Variants in DTNA observed in about 807,000 individuals in gnomAD.
DTNA encodes the protein dystrobrevin alpha.
A neutral mutation model predicts 100.7 loss-of-function variants in DTNA; 43 were observed. That is an observed-to-expected ratio of 0.43 (90% CI 0.33 to 0.55). The LOEUF (loss-of-function observed/expected upper bound fraction) is 0.55, where lower values mean the gene tolerates loss of function less well. DTNA is among the 20% of genes least tolerant of loss of function. The pLI is 0.04. For missense variants in DTNA, 798 were observed against 953.9 expected (o/e 0.84, Z 2.15); for synonymous variants, 349 against 347.9 (o/e 1.00, Z -0.04).
At chr18:34,765,566 C>T (rs2148471730) in intron 2 of DTNA, among the ~76,000 whole-genome samples, 1 of 152,346 alleles carries the variant, frequency 6.6e-6, no homozygotes, top group African/African-American at 2.4e-5. Context: ...GGTCACCTAA[C>T]AGCCACATTC....
Position 34,838,774 on chromosome 18 carries a change from G to A in DTNA, c.1283G>A (p.Arg428Lys). 2 of 1,613,786 alleles carry A rather than the reference G, an allele frequency of 1.2e-6. No homozygotes were observed. The highest frequency in any genetic ancestry group is 8.5e-7 in the Non-Finnish European group (1 of 1,179,806). Residue 428 changes from arginine (R) to lysine (K), a missense_variant, in exon 13 of 23, where the codon AGG (arginine) becomes AAG (lysine). By Grantham distance (26) the Arg-to-Lys change is conservative. Coordinates refer to ENST00000444659, the MANE Select transcript of DTNA (RefSeq NM_001386795.1). ...CAGTACAGCCTGAATGTGGCAGACA[G>A]GCTAGCTGATGAACATGTTCTCATC... ...GIQYSLNVAD[R>K]LADEHVLIGL... is the part of the protein sequence containing the mutation.
chr18:34,796,378 A>C (rs1236211280), intron 4 of DTNA, among the ~76,000 whole-genome samples: 2 of 152,264 alleles, frequency 1.3e-5, no homozygotes, highest in Non-Finnish European at 2.9e-5. Context: ...TCTATTTCTT[A>C]TAATAGTAAA....
chr18:34,546,191 T>C (rs2044757353), intron 1 of DTNA, among the ~76,000 whole-genome samples: 2 of 152,028 alleles, frequency 1.3e-5, no homozygotes, highest in Admixed American at 1.3e-4. Flanking sequence ...ATAAAAAACA[T>C]GGGTCTCCCC....
intron 1 of DTNA, among the ~76,000 whole-genome samples, chr18:34,541,505 T>TTCCCCAACAAGC (rs2044243687): frequency 6.6e-6 from 1 of 151,558 alleles, no homozygotes; most frequent in Admixed American, 6.6e-5. Context: ...TAAAGGGGAG[T>TTCCCCAACAAGC]TCCCCAACAA....
intron 15 of DTNA, among the ~76,000 whole-genome samples, chr18:34,855,638 A>T (rs1017402773): frequency 5.9e-5 from 9 of 152,178 alleles, no homozygotes; most frequent in African/African-American, 1.9e-4. Context: ...AAGAGAAGGG[A>T]TAAAACATCA....
rs180844423 is a variant in DTNA at position 34,547,923 on chromosome 18, C to A, written c.-2+54409C>A. On this transcript the variant is annotated intron_variant, in intron 1 of 19. Transcript: ENST00000283365. ...TCACAGCAACCAACTAAGTGTTAAC[C>A]CAGCCAGAATCTTTCTTGGATGCTT... Among the ~76,000 whole-genome samples, 603 of 152,170 alleles carry A rather than the reference C, an allele frequency of 4.0e-3. 7 individuals carry two copies. Among genetic ancestry groups the A allele is most frequent in the Admixed American group, 0.026 (394 of 15,276 alleles).
chr18:34,736,107 C>T (rs746544312), intron 1 of DTNA, among the ~76,000 whole-genome samples: 1 of 152,180 alleles, frequency 6.6e-6, no homozygotes. Context: ...ATGCCCTCCA[C>T]GTGAAGAGCT....
At chr18:34,699,337 G>A (rs2081052288) in intron 1 of DTNA, among the ~76,000 whole-genome samples, 1 of 152,048 alleles carries the variant, frequency 6.6e-6, no homozygotes, top group South Asian at 2.1e-4. Context: ...CCAGCTCAAA[G>A]ACCATAATGC....
At chr18:34,721,028 T>C (rs569642256) in intron 1 of DTNA, among the ~76,000 whole-genome samples, 1 of 152,340 alleles carries the variant, frequency 6.6e-6, no homozygotes, top group Admixed American at 6.5e-5. Flanking sequence ...TTGCAAAATA[T>C]TCAATTATGT....
chr18:34,699,213 A>T (rs1011562349), intron 1 of DTNA, among the ~76,000 whole-genome samples: 7 of 152,002 alleles, frequency 4.6e-5, no homozygotes, highest in African/African-American at 1.7e-4. Flanking sequence ...GAATGGGTTC[A>T]TGTGATTATG....
chr18:34,506,182 G>A (rs567942061), intron 1 of DTNA, among the ~76,000 whole-genome samples: 9 of 152,186 alleles, frequency 5.9e-5, no homozygotes, highest in Non-Finnish European at 1.2e-4. Flanking sequence ...GACAGAAGAG[G>A]GGGCCTAATG....
intron 10 of DTNA, among the ~76,000 whole-genome samples, chr18:34,828,505 C>G (rs1472197853): frequency 6.6e-6 from 1 of 152,176 alleles, no homozygotes; most frequent in East Asian, 1.9e-4. Context: ...CATAATTCAT[C>G]TTTTCCCTGA....
At chr18:34,556,533 G>A (rs1397625391) in intron 1 of DTNA, among the ~76,000 whole-genome samples, 1 of 151,882 alleles carries the variant, frequency 6.6e-6, no homozygotes, top group South Asian at 2.1e-4. Context: ...CATGTTTAGT[G>A]CTTCCTTCAG....
chr18:34,519,485 A>G (rs1435130364), intron 1 of DTNA, among the ~76,000 whole-genome samples: 1 of 152,162 alleles, frequency 6.6e-6, no homozygotes, highest in Non-Finnish European at 1.5e-5. Context: ...CCACAATTTC[A>G]TCATCTGTGA....
In DTNA at chr18:34,497,263, A is replaced by G. The variant is rs554101238; in HGVS notation, c.-2+3749A>G. On this transcript the variant is annotated intron_variant, in intron 1 of 19. Transcript: ENST00000283365. ...TCCCTGAGATTGTCTCAACTACCCAAAAGAAGAGAAGAGGCTTCATAGTGA... is the reference window on the plus strand; with the variant it reads ...TCCCTGAGATTGTCTCAACTACCCAGAAGAAGAGAAGAGGCTTCATAGTGA... Among the ~76,000 whole-genome samples, 7 of 152,222 alleles carry G rather than the reference A, an allele frequency of 4.6e-5. No individual in the cohort carries two copies. In the East Asian group the frequency reaches 1.4e-3, roughly 30 times the overall value.
At chr18:34,517,470 T>TGTGTGTGTGG (rs2041754747) in intron 1 of DTNA, among the ~76,000 whole-genome samples, 1 of 151,678 alleles carries the variant, frequency 6.6e-6, no homozygotes, top group South Asian at 2.1e-4. Context: ...CGTGTGTGTG[T>TGTGTGTGTGG]GTGTGTGTGT....
chr18:34,881,802 A>C (rs985166749), intron 20 of DTNA, among the ~76,000 whole-genome samples: 1 of 152,202 alleles, frequency 6.6e-6, no homozygotes, highest in African/African-American at 2.4e-5. Flanking sequence ...GGGCCAACCC[A>C]TTCCAGTAAA....
intron 3 of DTNA, among the ~76,000 whole-genome samples, chr18:34,781,391 A>C (rs947386506): frequency 2.6e-5 from 4 of 152,308 alleles, no homozygotes; most frequent in Non-Finnish European, 5.9e-5. Context: ...TTTCTTTGTG[A>C]TTAGAGCATT....
At chr18:34,823,265 A>C (rs1345432022) in intron 9 of DTNA, among the ~76,000 whole-genome samples, 1 of 152,216 alleles carries the variant, frequency 6.6e-6, no homozygotes, top group Non-Finnish European at 1.5e-5. Flanking sequence ...ATGCTCTCTT[A>C]ATCTGCTATA....
Sources: gnomAD v4.1 joint callset for allele counts (sites outside exome capture counted in the v4.1 genomes callset) on GRCh38, gnomAD v4.1.1 for gene constraint, MANE v1.5 for transcripts, NCBI Gene and HGNC (gene_info 2026-07-23, HGNC 2026-07-21) for gene names.